Variants in CFAP46 observed in about 807,000 individuals in gnomAD.
CFAP46 encodes the protein cilia and flagella associated protein 46.
Under a neutral mutation model 325.7 loss-of-function variants are expected in CFAP46, and 245 were observed. The ratio of observed to expected loss-of-function variants is 0.75; its 90% CI spans 0.68 to 0.84. The LOEUF is 0.84. Among genes scored for constraint, CFAP46 ranks in the 40% least tolerant of loss-of-function variants. The probability of loss-of-function intolerance (pLI) is 0.00; values close to 1 mark genes in which losing one functional copy is unlikely to be tolerated. For missense variants in CFAP46, 3,346 were observed against 3,543.0 expected (o/e 0.94, Z 1.41); for synonymous variants, 1,523 against 1,495.9 (o/e 1.02, Z -0.42).
intron 8 of CFAP46, among the ~76,000 whole-genome samples, chr10:132,934,511 A>C (rs1317366937): frequency 6.6e-6 from 1 of 152,216 alleles, no homozygotes; most frequent in Non-Finnish European, 1.5e-5. Flanking sequence ...CAGTGACCTA[A>C]CCATCCATAT....
chr10:132,814,779 G>C, intron 51 of CFAP46, 33 bp from the exon 52 acceptor site: 1 of 1,613,506 alleles, frequency 6.2e-7, no homozygotes. Flanking sequence ...GCAGGTGCAG[G>C]GGCCAGGAGC....
At chr10:132,822,052 C>CTG (rs1293558130) in intron 50 of CFAP46, among the ~76,000 whole-genome samples, 2 of 110,276 alleles carry the variant, frequency 1.8e-5, no homozygotes, top group Non-Finnish European at 1.7e-5. Context: ...CTGATGTGTG[C>CTG]TGTGTGTGCT....
intron 21 of CFAP46, 53 bp downstream of exon 21, chr10:132,909,084 C>T (rs1043053941): frequency 1.6e-5 from 21 of 1,325,078 alleles, no homozygotes; most frequent in Admixed American, 4.0e-5. Flanking sequence ...GCAAGAGCCT[C>T]GGCGTCCTCG....
Position 132,859,143 on chromosome 10 carries a change from T to C in CFAP46, c.5303A>G (p.Glu1768Gly). 3.9e-6 allele frequency: 6 copies of C among 1,550,994 alleles called. No homozygotes were observed. The highest frequency in any genetic ancestry group is 5.2e-6 in the Non-Finnish European group (6 of 1,147,098). Residue 1768 changes from glutamate (E) to glycine (G), a missense_variant, in exon 38 of 58, where the codon GAG becomes GGG. Transcript: ENST00000368586. ...GCAGCCACAGTCGATAAACTTTCTC[T>C]CAATTTCCAACAGGCCATCATCCAT... ...KEMDDGLLEI[E>G]RKFIDCGCKE...
In CFAP46 at chr10:132,821,850, CT is replaced by C. The variant is rs1591033609; in HGVS notation, c.7118-6937del. Among the ~76,000 whole-genome samples the C allele has an allele frequency of 3.1e-5, 4 of 129,348 alleles. No homozygotes were observed. In the South Asian group the frequency reaches 7.5e-4, roughly 24 times the overall value. 84.9% of individuals were successfully genotyped at this position (129,348 alleles called of 152,430 possible). A position where few individuals can be genotyped will look rare whatever the true frequency, so the allele number is the denominator to read the frequency against. Reference sequence around the variant, plus strand: ...CTGTGCGCTGTGTGCTGTGTGAGCGCTGATGTGTGCTGTGTGTGCTGTGTGC... The same window carrying C: ...CTGTGCGCTGTGTGCTGTGTGAGCGCGATGTGTGCTGTGTGTGCTGTGTGC... On this transcript the variant is annotated intron_variant, in intron 50 of 57. Transcript: ENST00000368586.
rs267602419 is a variant in CFAP46, at chr10:132,929,745, G to A, written c.926C>T (p.Ser309Phe). Residue 309 changes from serine to phenylalanine, a missense_variant, in exon 9 of 58, where the codon TCC becomes TTC. Ser to Phe is a radical substitution (Grantham distance 155). Coordinates refer to ENST00000368586, the MANE Select transcript of CFAP46 (RefSeq NM_001200049.3). ...FSLTLKCMEISSACLSDLKKM... is the reference protein window; with the variant it reads ...FSLTLKCMEIFSACLSDLKKM... ...CTTCAGGTCTGAGAGGCAGGCAGAGGAGATCTCCATGCATTTCAAGGTCAA... is the reference window on the plus strand; with the variant it reads ...CTTCAGGTCTGAGAGGCAGGCAGAGAAGATCTCCATGCATTTCAAGGTCAA... The A allele has an allele frequency of 6.2e-7, 1 of 1,613,724 alleles. No homozygotes were observed. The highest frequency in any genetic ancestry group is 1.3e-5 in the African/African-American group (1 of 74,944).
Position 132,919,831 on chromosome 10 carries a change from G to A in CFAP46, c.1730+228C>T, listed in dbSNP as rs191488017. Among the ~76,000 whole-genome samples, 7 of 152,248 alleles carry A rather than the reference G, an allele frequency of 4.6e-5. No individual in the cohort carries two copies. The East Asian group carries it at 1.4e-3, about 29-fold the overall frequency. On this transcript the variant is annotated intron_variant, in intron 14 of 57. Transcript: ENST00000368586. This position sits in a 1 kb window ranked among gnomAD's most constrained non-coding sequence, Gnocchi z 9.7. ...AGTGACAGCAGTGACAGGCGGGACA[G>A]GGCAGCCGCACACCTCATAGGCCGT...
chr10:132,864,745 CACTCCTCTCCCCCTGCCTGAGACCTGA>C, intron 35 of CFAP46, among the ~76,000 whole-genome samples: 2 of 123,674 alleles, frequency 1.6e-5, no homozygotes, highest in South Asian at 3.0e-4. Flanking sequence ...GAGACCTGCA[CACTCCTCTCCCCCTGCCTGAGACCTGA>C]ACACACCTGT....
Position 132,876,778 on chromosome 10 carries a change from C to T in CFAP46, c.4362+34G>A, listed in dbSNP as rs893927270. On this transcript the variant is annotated intron_variant, in intron 31 of 57. Coordinates refer to ENST00000368586, the MANE Select transcript of CFAP46 (RefSeq NM_001200049.3). This position sits in a 1 kb window ranked among gnomAD's most constrained non-coding sequence, Gnocchi z 4.1. ...GGTCAAGGGGACACCATGCTGTGAC[C>T]AAGGTCTTGAGCCTTTTCTTTATGT... is the stretch of plus-strand genomic sequence containing the variant. 1 of 1,537,174 alleles carries T rather than the reference C, an allele frequency of 6.5e-7. No homozygotes were observed. Among genetic ancestry groups the T allele is most frequent in the African/African-American group, 1.4e-5 (1 of 72,380 alleles).
rs573251796 is a variant in CFAP46, at chr10:132,908,544, G to A, written c.2848C>T (p.Arg950Cys). The change falls in exon 22 of 58, where the codon CGT becomes TGT. Residue 950 changes from arginine (R) to cysteine (C), a missense_variant. Physicochemically the swap from Arg to Cys is radical, Grantham distance 180 (BLOSUM62 -3). Transcript: ENST00000368586. ...TRLTHFAHAARDHETTMACAH... is the reference protein window; with the variant it reads ...TRLTHFAHAACDHETTMACAH... ...CAGGCCATGGTGGTCTCATGGTCAC[G>A]CGCTGCATGGGCGAAGTGGGTCAGC... 28 of 1,550,534 alleles carry A rather than the reference G, an allele frequency of 1.8e-5. No individual in the cohort carries two copies. Among genetic ancestry groups the A allele is most frequent in the East Asian group, 4.9e-5 (2 of 40,916 alleles).
chr10:132,824,637 A>G (rs1213565051), intron 50 of CFAP46, among the ~76,000 whole-genome samples: 1 of 54,484 alleles, frequency 1.8e-5, no homozygotes, highest in African/African-American at 7.9e-5. Context: ...CTGTGTGCTG[A>G]TGTGTGCTGA....
rs1848465045 is a variant in CFAP46 at position 132,847,778 on chromosome 10, G to A, written c.5953-457C>T. On this transcript the variant is annotated intron_variant, in intron 41 of 57. Transcript: ENST00000368586. This position sits in a 1 kb window ranked among gnomAD's most constrained non-coding sequence, Gnocchi z 5.2. The stretch of plus-strand genomic sequence containing the variant: ...GGTATAGGAAGCCCTGGCAGCCCCT[G>A]AAGAACCTGGGTTGAGAGGGAGCCC... Among the ~76,000 whole-genome samples the A allele has an allele frequency of 6.6e-6, 1 of 152,164 alleles. No individual in the cohort carries two copies. Among genetic ancestry groups the A allele is most frequent in the Admixed American group, 6.5e-5 (1 of 15,286 alleles).
chr10:132,935,047 C>T (rs557301543), intron 7 of CFAP46, among the ~76,000 whole-genome samples, 185 bp from the exon 8 acceptor site: 2 of 152,230 alleles, frequency 1.3e-5, no homozygotes, highest in African/African-American at 2.4e-5. Context: ...CTCCTTCCCT[C>T]CATGATGCCC....
At chr10:132,938,883 G>T in intron 4 of CFAP46, 130 bp from the exon 5 acceptor site, 1 of 753,774 alleles carries the variant, frequency 1.3e-6, no homozygotes. Flanking sequence ...GCAGATGGCA[G>T]CAGCCCCACC....
Position 132,837,512 on chromosome 10 carries a change from C to T in CFAP46, c.6439-598G>A, listed in dbSNP as rs887719199. On this transcript the variant is annotated intron_variant, in intron 44 of 57. Coordinates refer to ENST00000368586, the MANE Select transcript of CFAP46 (RefSeq NM_001200049.3). ...GTACACAGATGCACACAGACGCACACAGACATGCACAGACACACGCACACG... is the reference window on the plus strand; with the variant it reads ...GTACACAGATGCACACAGACGCACATAGACATGCACAGACACACGCACACG... Among the ~76,000 whole-genome samples the T allele has an allele frequency of 8.2e-4, 123 of 150,366 alleles. 1 individual carries two copies. The highest frequency in any genetic ancestry group is 2.9e-3 in the African/African-American group (118 of 40,830).
intron 35 of CFAP46, among the ~76,000 whole-genome samples, chr10:132,862,657 G>T (rs568870071): frequency 6.6e-6 from 1 of 152,072 alleles, no homozygotes; most frequent in East Asian, 1.9e-4. Flanking sequence ...TCAGACCCCC[G>T]AGAGACAAGG....
intron 49 of CFAP46, 137 bp downstream of exon 49, chr10:132,833,904 G>T: frequency 1.3e-6 from 1 of 768,542 alleles, no homozygotes; most frequent in East Asian, 2.5e-5. Context: ...GGCCTCAGGG[G>T]AAGGAGCAGC....
chr10:132,866,539 G>A (rs1848815004), intron 34 of CFAP46, among the ~76,000 whole-genome samples: 2 of 152,346 alleles, frequency 1.3e-5, no homozygotes, highest in African/African-American at 4.8e-5. Context: ...TGGGATCTGG[G>A]CCTGCCTGCG....
At chr10:132,836,752 G>A (rs930376846) in intron 45 of CFAP46, 65 bp downstream of exon 45, 12 of 1,391,054 alleles carry the variant, frequency 8.6e-6, no homozygotes, top group South Asian at 1.2e-5. Flanking sequence ...CCACGGCTGG[G>A]TCTCTGCCTC....
Sources: allele counts gnomAD v4.1 joint callset (sites outside exome capture counted in the v4.1 genomes callset), GRCh38; gene constraint gnomAD v4.1.1; non-coding constraint Gnocchi (gnomAD v3.1); transcripts MANE v1.5; gene names NCBI Gene and HGNC (gene_info 2026-07-23, HGNC 2026-07-21).